Variants in TASP1 observed in about 807,000 individuals in gnomAD.
The protein encoded by TASP1 is taspase 1, also known as threonine aspartase 1.
Under a neutral mutation model 56.6 loss-of-function variants are expected in TASP1, and 16 were observed. The ratio of observed to expected loss-of-function variants is 0.28; its 90% CI spans 0.19 to 0.43. The LOEUF (loss-of-function observed/expected upper bound fraction) is 0.43, where lower values mean the gene tolerates loss of function less well. Ranked by LOEUF, TASP1 falls within the 20% of genes least tolerant of loss-of-function variation. The pLI is 1.00. For synonymous variants in TASP1, 179 were observed against 184.2 expected, an observed-to-expected ratio of 0.97 and a Z score of 0.23; for missense variants, 393 against 511.6, an observed-to-expected ratio of 0.77 and a Z score of 2.24.
At chr20:13,249,763 C>T in the TASP1 span, among the ~76,000 whole-genome samples, 2 of 151,448 alleles carry the variant, frequency 1.3e-5, no homozygotes, top group African/African-American at 4.9e-5. Flanking sequence ...TTCTCAGCCT[C>T]CATCATTTTT....
chr20:13,345,971 T>C, the TASP1 span, among the ~76,000 whole-genome samples: 1 of 138,270 alleles, frequency 7.2e-6, no homozygotes, highest in East Asian at 2.3e-4. Flanking sequence ...TTGGCCGACA[T>C]ACTAGCTAAG....
the TASP1 span, among the ~76,000 whole-genome samples, chr20:13,111,509 T>C: frequency 1.3e-5 from 2 of 152,340 alleles, no homozygotes; most frequent in African/African-American, 4.8e-5. Flanking sequence ...AAAATGTCGA[T>C]AGTGCTAAGG....
chr20:13,567,935 G>A (rs2046591767), intron 7 of TASP1, among the ~76,000 whole-genome samples: 1 of 151,926 alleles, frequency 6.6e-6, no homozygotes, highest in Non-Finnish European at 1.5e-5. Context: ...CTGTCTCCAA[G>A]GGAAAAAAAG....
chr20:13,181,346 T>C, the TASP1 span, among the ~76,000 whole-genome samples: 1 of 152,180 alleles, frequency 6.6e-6, no homozygotes, highest in Non-Finnish European at 1.5e-5. Flanking sequence ...TGGCCCCCTT[T>C]TCCACTCTCT....
At chr20:13,264,681 C>A in the TASP1 span, among the ~76,000 whole-genome samples, 1 of 152,200 alleles carries the variant, frequency 6.6e-6, no homozygotes. Context: ...CGATGAGCAA[C>A]GCCAGCTATG....
At chr20:13,333,034 C>T in the TASP1 span, among the ~76,000 whole-genome samples, 9 of 152,350 alleles carry the variant, frequency 5.9e-5, no homozygotes, top group African/African-American at 1.9e-4. Context: ...CAGAACTCTT[C>T]TGCTTATGTG....
At chr20:13,303,948 A>T in the TASP1 span, among the ~76,000 whole-genome samples, 3 of 152,120 alleles carry the variant, frequency 2.0e-5, no homozygotes, top group Non-Finnish European at 4.4e-5. Flanking sequence ...ACCCAAAAAA[A>T]CTCTAAAGAG....
chr20:13,137,933 G>A, the TASP1 span, among the ~76,000 whole-genome samples: 6 of 152,104 alleles, frequency 3.9e-5, no homozygotes, highest in African/African-American at 1.4e-4. Context: ...TCATCTCCCA[G>A]AACAGGTGCA....
chr20:13,434,689 A>C (rs1408290268), intron 12 of TASP1, among the ~76,000 whole-genome samples: 2 of 152,078 alleles, frequency 1.3e-5, no homozygotes, highest in Non-Finnish European at 2.9e-5. Context: ...GGGGAAGGGG[A>C]ACAGGAAGAA....
intron 1 of TASP1, among the ~76,000 whole-genome samples, chr20:13,636,403 G>A (rs35114574): frequency 0.034 from 5,107 of 149,056 alleles, 139 homozygotes; most frequent in Non-Finnish European, 0.052. Flanking sequence ...CAAATGATCC[G>A]CCTGCCTGGG....
chr20:13,463,717 A>T (rs1025470382), intron 11 of TASP1, among the ~76,000 whole-genome samples: 11 of 152,174 alleles, frequency 7.2e-5, no homozygotes, highest in African/African-American at 2.4e-4. Flanking sequence ...TTCTCCAAAG[A>T]TATACAAATG....
At chr20:13,568,498 C>T (rs1237890490) in intron 7 of TASP1, among the ~76,000 whole-genome samples, 1 of 152,036 alleles carries the variant, frequency 6.6e-6, no homozygotes, top group Non-Finnish European at 1.5e-5. Context: ...CAAACATATA[C>T]ATATTTATAA....
At chr20:13,394,969 G>C in intron 13 of TASP1, among the ~76,000 whole-genome samples, 1 of 152,280 alleles carries the variant, frequency 6.6e-6, no homozygotes, top group South Asian at 2.1e-4. Context: ...AAGTAATATA[G>C]AAAGTATATA....
At chr20:13,632,959 AT>A (rs1189379876) in intron 1 of TASP1, among the ~76,000 whole-genome samples, 3 of 152,200 alleles carry the variant, frequency 2.0e-5, no homozygotes, top group Non-Finnish European at 2.9e-5. Flanking sequence ...CTTAAATACC[AT>A]TTTTTAACTT....
chr20:13,264,877 T>G, the TASP1 span, among the ~76,000 whole-genome samples: 1 of 152,130 alleles, frequency 6.6e-6, no homozygotes. Context: ...CAGGGCCAGC[T>G]GATGAGAATG....
chr20:13,389,456 GCTT>G lies in TASP1; in HGVS notation c.*901_*903del, dbSNP rs1450999942. The G allele has an allele frequency of 3.3e-5, 5 of 152,298 alleles. No individual in the cohort carries two copies. Among genetic ancestry groups the G allele is most frequent in the East Asian group, 3.9e-4 (2 of 5,182 alleles). The allele number at this position is 152,298 out of a possible 1,614,324, so 9.4% of individuals were successfully genotyped here. The stretch of plus-strand genomic sequence containing the variant: ...AGTCACATACTATACCCAGTAATAC[GCTT>G]CTTTTATTTTTGTGCCTTTATCTTA... On this transcript the variant is annotated 3_prime_UTR_variant, in exon 14 of 14. Coordinates refer to ENST00000337743, the MANE Select transcript of TASP1 (RefSeq NM_017714.3).
intron 12 of TASP1, among the ~76,000 whole-genome samples, chr20:13,424,171 A>T (rs572568093): frequency 1.4e-4 from 22 of 152,340 alleles, no homozygotes; most frequent in South Asian, 6.2e-4. Context: ...AGTTTTTTTT[A>T]AAATAAATAG....
intron 4 of TASP1, among the ~76,000 whole-genome samples, chr20:13,593,426 AG>A (rs2047609529): frequency 1.3e-5 from 2 of 152,172 alleles, no homozygotes. Context: ...AGGAAGCACA[AG>A]GGGTCGGAGG....
chr20:13,520,097 A>T (rs1426131403), intron 10 of TASP1, among the ~76,000 whole-genome samples: 1 of 152,244 alleles, frequency 6.6e-6, no homozygotes, highest in Non-Finnish European at 1.5e-5. Context: ...GGAGAACTAC[A>T]AACCACTGCT....
Sources: allele counts gnomAD v4.1 joint callset (sites outside exome capture counted in the v4.1 genomes callset), GRCh38; gene constraint gnomAD v4.1.1; transcripts MANE v1.5; gene names NCBI Gene and HGNC (gene_info 2026-07-23, HGNC 2026-07-21).